ZNF664: variants seen among roughly 807,000 people sequenced by gnomAD.
ZNF664 encodes zinc finger Organ of Corti 1.
A neutral mutation model predicts 18.2 loss-of-function variants in ZNF664; 10 were observed. The ratio of observed to expected loss-of-function variants is 0.55; its 90% CI spans 0.34 to 0.93. The LOEUF (loss-of-function observed/expected upper bound fraction) is 0.93. Ranked by LOEUF, ZNF664 falls within the 40% of genes least tolerant of loss-of-function variation. The probability of loss-of-function intolerance (pLI) is 0.02; values close to 1 mark genes in which losing one functional copy is unlikely to be tolerated. For synonymous variants in ZNF664, 119 were observed against 104.2 expected (o/e 1.14, Z -0.86); for missense variants, 193 against 319.0 (o/e 0.61, Z 3.01).
At position 124,012,597 on chromosome 12, in the gene ZNF664, C is replaced by A; in HGVS notation, c.453C>A (p.Ala151=). ...KPFKCEECGK[A]FRHTSSLCMH... Reference sequence around the variant, plus strand: ...TTAAATGTGAAGAGTGTGGGAAGGCCTTCAGGCACACCTCCAGCCTCTGCA... The same window carrying A: ...TTAAATGTGAAGAGTGTGGGAAGGCATTCAGGCACACCTCCAGCCTCTGCA... Residue 151 remains alanine, a synonymous_variant, in exon 5 of 5, where the codon GCC becomes GCA. Coordinates refer to ENST00000337815, the MANE Select transcript of ZNF664 (RefSeq NM_152437.3). 1 of 1,614,042 alleles carries A rather than the reference C, an allele frequency of 6.2e-7. No individual in the cohort carries two copies. Among genetic ancestry groups the A allele is most frequent in the Non-Finnish European group, 8.5e-7 (1 of 1,179,978 alleles).
intron 3 of ZNF664, among the ~76,000 whole-genome samples, chr12:124,007,048 C>T (rs1191956885): frequency 4.6e-5 from 7 of 152,118 alleles, no homozygotes; most frequent in Non-Finnish European, 8.8e-5. Context: ...CTGTGTTAGG[C>T]GAGTCTGTAC....
In ZNF664 at chr12:124,011,363, A is replaced by G. The variant is rs760913346; in HGVS notation, c.-660-18A>G. On this transcript the variant is annotated intron_variant, in intron 3 of 4. Coordinates refer to ENST00000337815, the MANE Select transcript of ZNF664 (RefSeq NM_152437.3). ...AGCTGTAAACAGGAGCATGATATCTACAAATTCTCTCCTTCAGACCTGCAA... is the reference window on the plus strand; with the variant it reads ...AGCTGTAAACAGGAGCATGATATCTGCAAATTCTCTCCTTCAGACCTGCAA... The G allele has an allele frequency of 2.3e-4, 184 of 803,062 alleles. No homozygotes were observed. The highest frequency in any genetic ancestry group is 2.7e-4 in the Non-Finnish European group (181 of 666,250). The allele number at this position is 803,062 out of a possible 1,614,324, so 49.7% of individuals were successfully genotyped here.
chr12:124,011,825 C>G lies in ZNF664; in HGVS notation c.-320C>G. ...AGGGGCTCAAAAACGCAAAGGTTTG[C>G]ACTTTGAGAGCCCCTTGGAATGTTG... On this transcript the variant is annotated 5_prime_UTR_variant, in exon 5 of 5. Coordinates refer to ENST00000337815, the MANE Select transcript of ZNF664 (RefSeq NM_152437.3). 1 of 1,153,178 alleles carries G rather than the reference C, an allele frequency of 8.7e-7. No homozygotes were observed. Among genetic ancestry groups the G allele is most frequent in the Non-Finnish European group, 1.1e-6 (1 of 940,798 alleles). 71.4% of individuals were successfully genotyped at this position (1,153,178 alleles called of 1,614,324 possible).
At chr12:123,977,462 CAAAAA>C (rs58043898) in intron 2 of ZNF664, among the ~76,000 whole-genome samples, 1 of 94,178 alleles carries the variant, frequency 1.1e-5, no homozygotes, top group South Asian at 4.5e-4. Context: ...CTAAAATGGC[CAAAAA>C]AAAAAAAAAA....
At position 123,973,314 on chromosome 12, in the gene ZNF664, G is replaced by A. The variant is rs905519154; in HGVS notation, c.-930G>A. 1.2e-4 allele frequency: 119 copies of A among 984,170 alleles called. 2 individuals are homozygous for A. Among genetic ancestry groups the A allele is most frequent in the Non-Finnish European group, 4.8e-6 (4 of 829,682 alleles). 61.0% of individuals were successfully genotyped at this position (984,170 alleles called of 1,614,324 possible). On this transcript the variant is annotated 5_prime_UTR_variant, in exon 1 of 5. Transcript: ENST00000337815. ...CCTGAGGAGAGGGAGGTGGGTGCGC[G>A]GCGCCCGCGGCCTGGGGCGCTGACT...
chr12:123,978,472 GC>G (rs1956722321), intron 2 of ZNF664, among the ~76,000 whole-genome samples: 1 of 152,174 alleles, frequency 6.6e-6, no homozygotes, highest in Non-Finnish European at 1.5e-5. Context: ...ATGTACCAAA[GC>G]TTTATGAAGA....
chr12:123,986,473 T>C (rs2138357344), intron 2 of ZNF664, among the ~76,000 whole-genome samples: 2 of 152,370 alleles, frequency 1.3e-5, no homozygotes, highest in Middle Eastern at 3.4e-3. Flanking sequence ...TCCTTGCTTA[T>C]AGATTCTACT....
At chr12:123,999,180 G>T (rs1566203985) in intron 3 of ZNF664, among the ~76,000 whole-genome samples, 2 of 152,156 alleles carry the variant, frequency 1.3e-5, no homozygotes, top group African/African-American at 2.4e-5. Flanking sequence ...GAATCACATG[G>T]TCATCTCAAC....
chr12:123,988,155 T>G lies in ZNF664; in HGVS notation c.-661+17T>G, dbSNP rs1056829174. 7.4e-5 allele frequency: 91 copies of G among 1,231,346 alleles called. No individual in the cohort carries two copies. The highest frequency in any genetic ancestry group is 9.0e-5 in the Non-Finnish European group (89 of 987,788). The allele number at this position is 1,231,346 out of a possible 1,614,324, so 76.3% of individuals were successfully genotyped here. On this transcript the variant is annotated intron_variant, in intron 3 of 4. Transcript: ENST00000337815. ...GTCACTGTGGTAAGTTTTCCCCTTGTTTCACCATTTGTCCTAGATGGAGAA... is the reference window on the plus strand; with the variant it reads ...GTCACTGTGGTAAGTTTTCCCCTTGGTTCACCATTTGTCCTAGATGGAGAA...
rs1280685830 is a variant in ZNF664, at chr12:124,012,395, A to T, written c.251A>T (p.Glu84Val). 1.2e-6 allele frequency: 2 copies of T among 1,614,142 alleles called. No homozygotes were observed. Among genetic ancestry groups the T allele is most frequent in the Non-Finnish European group, 1.7e-6 (2 of 1,180,046 alleles). The change falls in exon 5 of 5, where the codon GAG becomes GTG. Residue 84 changes from glutamate to valine, a missense_variant. By Grantham distance (121) the Glu-to-Val change is moderately radical. Coordinates refer to ENST00000337815, the MANE Select transcript of ZNF664 (RefSeq NM_152437.3). ...LNRHKKIHTV[E>V]KPYKCYECGK... ...AGACATAAGAAAATCCACACAGTGGAGAAGCCCTATAAATGTTACGAGTGT... is the reference window on the plus strand; with the variant it reads ...AGACATAAGAAAATCCACACAGTGGTGAAGCCCTATAAATGTTACGAGTGT...
chr12:123,978,919 G>A (rs181492768), intron 2 of ZNF664, among the ~76,000 whole-genome samples: 1 of 152,170 alleles, frequency 6.6e-6, no homozygotes, highest in Non-Finnish European at 1.5e-5. Context: ...TTATAATTCA[G>A]TGTGTTGTAT....
At chr12:123,998,094 A>G (rs1258460793) in intron 3 of ZNF664, among the ~76,000 whole-genome samples, 1 of 152,144 alleles carries the variant, frequency 6.6e-6, no homozygotes, top group Non-Finnish European at 1.5e-5. Flanking sequence ...AGTTCCTCCT[A>G]GAAGTGCAGG....
chr12:124,012,648 G>A lies in ZNF664; in HGVS notation c.504G>A (p.Glu168=), dbSNP rs1480722651. Reference sequence around the variant, plus strand: ...TGCATCAAAGAGTCCACACAGGAGAGAAACCCTATAAATGTTATGAGTGTG... The same window carrying A: ...TGCATCAAAGAGTCCACACAGGAGAAAAACCCTATAAATGTTATGAGTGTG... ...LCMHQRVHTG[E]KPYKCYECGK... The change falls in exon 5 of 5, where the codon GAG becomes GAA. Residue 168 remains glutamate, a synonymous_variant. Coordinates refer to ENST00000337815, the MANE Select transcript of ZNF664 (RefSeq NM_152437.3). 1 of 1,614,194 alleles carries A rather than the reference G, an allele frequency of 6.2e-7. No individual in the cohort carries two copies. The highest frequency in any genetic ancestry group is 8.5e-7 in the Non-Finnish European group (1 of 1,180,042).
At chr12:123,973,695 C>T in intron 1 of ZNF664, 191 bp from the exon 2 acceptor site, 1 of 1,031,872 alleles carries the variant, frequency 9.7e-7, no homozygotes, top group African/African-American at 1.7e-5. Flanking sequence ...GGGAGCCGGA[C>T]TCCCGAGCCA....
rs543332475 is a variant in ZNF664, at chr12:124,013,379, C to A, written c.*449C>A. The A allele has an allele frequency of 6.4e-5, 12 of 187,038 alleles. No individual in the cohort carries two copies. 11.6% of individuals were successfully genotyped at this position (187,038 alleles called of 1,614,324 possible). On this transcript the variant is annotated 3_prime_UTR_variant, in exon 5 of 5. Coordinates refer to ENST00000337815, the MANE Select transcript of ZNF664 (RefSeq NM_152437.3). ...AAACAGACAGCTCCCACTAAGATCA[C>A]GTTCTGGTATTTCTGAGGTTAACAC...
chr12:124,003,657 A>C (rs1053939360), intron 3 of ZNF664: 1 of 152,182 alleles, frequency 6.6e-6, no homozygotes, highest in Non-Finnish European at 1.5e-5. Context: ...TGGCCTCCCA[A>C]AGTGACGGGA....
Position 123,973,667 on chromosome 12 carries a change from G to A in ZNF664, c.-891-219G>A. The A allele has an allele frequency of 8.2e-6, 6 of 730,530 alleles. No individual in the cohort carries two copies. In the South Asian group the frequency reaches 2.0e-4, roughly 25 times the overall value. The allele number at this position is 730,530 out of a possible 1,614,324, so 45.3% of individuals were successfully genotyped here. A position where few individuals can be genotyped will look rare whatever the true frequency, so the allele number is the denominator to read the frequency against. On this transcript the variant is annotated intron_variant, in intron 1 of 4. Transcript: ENST00000337815. ...GAGGGCTGGGCAGCGGGCAGGGCGA[G>A]GCCGGGCGAGGCCCCTCGGGAGCCG...
At chr12:123,991,824 T>C (rs768045193) in intron 3 of ZNF664, among the ~76,000 whole-genome samples, 2 of 152,218 alleles carry the variant, frequency 1.3e-5, no homozygotes, top group East Asian at 1.9e-4. Context: ...CATGCACTTA[T>C]CCTTCTCAGA....
chr12:124,007,474 C>T (rs988509735), intron 3 of ZNF664, among the ~76,000 whole-genome samples: 1 of 152,230 alleles, frequency 6.6e-6, no homozygotes, highest in Non-Finnish European at 1.5e-5. Flanking sequence ...TTTTGCTTGT[C>T]GCTGCCCTGC....
Sources: gnomAD v4.1 joint callset for allele counts (sites outside exome capture counted in the v4.1 genomes callset) on GRCh38, gnomAD v4.1.1 for gene constraint, MANE v1.5 for transcripts, NCBI Gene and HGNC (gene_info 2026-07-23, HGNC 2026-07-21) for gene names.